DIAPH1: variants seen among roughly 807,000 people sequenced by gnomAD.
DIAPH1 encodes diaphanous related formin 1.
In DIAPH1, 46 loss-of-function variants were observed where a neutral mutation model predicts 140.7. The ratio of observed to expected loss-of-function variants is 0.33; its 90% CI spans 0.26 to 0.42. DIAPH1 has a LOEUF of 0.42. DIAPH1 is among the 10% of genes least tolerant of loss of function. The pLI is 1.00. For synonymous variants in DIAPH1, 565 were observed against 551.6 expected, an observed-to-expected ratio of 1.02 and a Z score of -0.34; for missense variants, 1,310 against 1,558.7, an observed-to-expected ratio of 0.84 and a Z score of 2.69.
At chr5:141,541,690 A>G (rs76947269) in intron 18 of DIAPH1, among the ~76,000 whole-genome samples, 7 of 151,502 alleles carry the variant, frequency 4.6e-5, no homozygotes, top group African/African-American at 1.4e-4. Context: ...GTCTCAAAAA[A>G]AAAAAAAAAA....
intron 1 of DIAPH1, 54 bp downstream of exon 1, chr5:141,618,744 G>C: frequency 6.9e-6 from 9 of 1,308,638 alleles, no homozygotes; most frequent in Non-Finnish European, 9.6e-6. Flanking sequence ...CGGCTGCAGG[G>C]GTCCAGAGGG....
At chr5:141,521,947 C>T (rs1419137643) in intron 27 of DIAPH1, among the ~76,000 whole-genome samples, 15 of 152,154 alleles carry the variant, frequency 9.9e-5, no homozygotes. Flanking sequence ...GGAACTGAGT[C>T]CCAGAAACAT....
At chr5:141,570,824 T>C (rs1370961052) in intron 18 of DIAPH1, among the ~76,000 whole-genome samples, 1 of 152,090 alleles carries the variant, frequency 6.6e-6, no homozygotes, top group African/African-American at 2.4e-5. Context: ...TAACTATAAG[T>C]ACCCTATCAC....
At chr5:141,604,697 A>G (rs1414991975) in intron 1 of DIAPH1, among the ~76,000 whole-genome samples, 1 of 152,164 alleles carries the variant, frequency 6.6e-6, no homozygotes, top group East Asian at 1.9e-4. Context: ...TTTCTAAATA[A>G]TCTCTTTTTT....
At chr5:141,577,856 T>C in intron 11 of DIAPH1, 1 of 498,766 alleles carries the variant, frequency 2.0e-6, no homozygotes, top group Non-Finnish European at 3.6e-6. Context: ...AAATAAGAGG[T>C]AACTGCCTCA....
At chr5:141,543,715 C>T (rs1186551556) in intron 18 of DIAPH1, among the ~76,000 whole-genome samples, 1 of 152,094 alleles carries the variant, frequency 6.6e-6, no homozygotes, top group Admixed American at 6.5e-5. Flanking sequence ...AAATGCATTC[C>T]AACTTAACAA....
chr5:141,546,610 C>T (rs947962475), intron 18 of DIAPH1, among the ~76,000 whole-genome samples: 1 of 149,206 alleles, frequency 6.7e-6, no homozygotes, highest in Non-Finnish European at 1.5e-5. Flanking sequence ...GAGCTGAGAT[C>T]GTGCCACTGC....
intron 18 of DIAPH1, among the ~76,000 whole-genome samples, chr5:141,545,006 T>A (rs1016702015): frequency 6.6e-6 from 1 of 152,186 alleles, no homozygotes; most frequent in East Asian, 1.9e-4. Flanking sequence ...CAGATGTCCA[T>A]CAGCCAGTGA....
At chr5:141,581,283 T>C (rs1302927807) in intron 7 of DIAPH1, among the ~76,000 whole-genome samples, 3 of 152,196 alleles carry the variant, frequency 2.0e-5, no homozygotes, top group African/African-American at 7.2e-5. Context: ...TATTACCATA[T>C]ACAGCTTCAG....
chr5:141,560,063 GC>G (rs2099893290), intron 18 of DIAPH1, among the ~76,000 whole-genome samples: 1 of 152,098 alleles, frequency 6.6e-6, no homozygotes, highest in South Asian at 2.1e-4. Context: ...TTTAAAAAAT[GC>G]CATGAAACCA....
At chr5:141,575,216 A>C (rs572714043) in intron 14 of DIAPH1, 70 bp from the exon 15 acceptor site, 9 of 1,527,898 alleles carry the variant, frequency 5.9e-6, no homozygotes, top group Middle Eastern at 1.7e-4. Flanking sequence ...ATTATTACCC[A>C]TAATTCTCCC....
At chr5:141,572,094 G>C (rs1436568895) in intron 16 of DIAPH1, 54 bp from the exon 17 acceptor site, 5 of 1,314,502 alleles carry the variant, frequency 3.8e-6, no homozygotes, top group Non-Finnish European at 5.5e-6. Context: ...TGTACTTTCC[G>C]TCCTAGAAAA....
intron 1 of DIAPH1, among the ~76,000 whole-genome samples, chr5:141,605,874 G>A (rs2099900851): frequency 6.6e-6 from 1 of 152,104 alleles, no homozygotes; most frequent in Non-Finnish European, 1.5e-5. Flanking sequence ...GGAAACAGAC[G>A]TCACCCACAG....
intron 1 of DIAPH1, among the ~76,000 whole-genome samples, chr5:141,607,231 T>C (rs918177770): frequency 3.9e-5 from 6 of 152,118 alleles, no homozygotes; most frequent in African/African-American, 7.2e-5. Flanking sequence ...AAAGAACATT[T>C]AGAAGAAACA....
intron 7 of DIAPH1, chr5:141,582,111 G>A (rs2154596551): frequency 2.8e-6 from 1 of 351,768 alleles, no homozygotes; most frequent in Non-Finnish European, 5.3e-6. Flanking sequence ...AATTGAGCCT[G>A]TCCTCTGAAA....
At chr5:141,572,170 T>A (rs1333915175) in intron 16 of DIAPH1, 130 bp from the exon 17 acceptor site, 2 of 717,472 alleles carry the variant, frequency 2.8e-6, no homozygotes, top group East Asian at 5.3e-5. Flanking sequence ...TAAGACTAAC[T>A]TGAGGCACAG....
At chr5:141,578,144 C>T in intron 11 of DIAPH1, 81 bp downstream of exon 11, 2 of 1,065,822 alleles carry the variant, frequency 1.9e-6, no homozygotes, top group Non-Finnish European at 2.9e-6. Flanking sequence ...TCATCATCTC[C>T]CAAACCATTC....
At chr5:141,605,448 T>C (rs1596408325) in intron 1 of DIAPH1, among the ~76,000 whole-genome samples, 1 of 152,290 alleles carries the variant, frequency 6.6e-6, no homozygotes, top group South Asian at 2.1e-4. Context: ...CAAAAAATCA[T>C]TAGCACATCA....
At chr5:141,591,096 T>A (rs1008933594) in intron 1 of DIAPH1, among the ~76,000 whole-genome samples, 3 of 152,108 alleles carry the variant, frequency 2.0e-5, no homozygotes, top group African/African-American at 7.2e-5. Context: ...AGTCTCATCT[T>A]CTCAGCAAAC....
Sources: gnomAD v4.1 joint callset for allele counts (sites outside exome capture counted in the v4.1 genomes callset) on GRCh38, gnomAD v4.1.1 for gene constraint, MANE v1.5 for transcripts, NCBI Gene and HGNC (gene_info 2026-07-23, HGNC 2026-07-21) for gene names.